Variants in CELF2 observed in about 807,000 individuals in gnomAD.
CELF2 encodes CUG triplet repeat RNA-binding protein 2.
Under a neutral mutation model 62.6 loss-of-function variants are expected in CELF2, and 8 were observed. The ratio of observed to expected loss-of-function variants is 0.13; its 90% confidence interval spans 0.07 to 0.23. The LOEUF is 0.23. Among genes scored for constraint, CELF2 ranks in the 10% least tolerant of loss-of-function variants. The pLI, the probability that CELF2 is intolerant of heterozygous loss-of-function variation, is 1.00. For synonymous variants in CELF2, 258 were observed against 250.0 expected (o/e 1.03, Z -0.30); for missense variants, 333 against 671.0 (o/e 0.50, Z 5.56).
chr10:10,873,889 C>A (rs114899276), intron 1 of CELF2, among the ~76,000 whole-genome samples: 1 of 152,120 alleles, frequency 6.6e-6, no homozygotes, highest in Admixed American at 6.5e-5. Context: ...AAAGCTGATG[C>A]GGGCAGGTGG....
At chr10:10,829,933 A>T (rs945854617) in intron 1 of CELF2, among the ~76,000 whole-genome samples, 18 of 152,270 alleles carry the variant, frequency 1.2e-4, no homozygotes, top group African/African-American at 4.3e-4. Context: ...ACACACAACT[A>T]CCTTTTCCAA....
intron 2 of CELF2, chr10:10,970,944 A>G (rs1366810109): frequency 6.6e-6 from 1 of 152,154 alleles, no homozygotes; most frequent in Admixed American, 6.5e-5. Context: ...AAAAAATCCC[A>G]TAGTCAATTA....
At chr10:11,048,167 G>T (rs1017450694) in intron 1 of CELF2, among the ~76,000 whole-genome samples, 2 of 152,174 alleles carry the variant, frequency 1.3e-5, no homozygotes, top group Admixed American at 1.3e-4. Context: ...ACTAGAAAAT[G>T]TCAAGAAAGT....
chr10:10,542,928 A>G, the CELF2 span, among the ~76,000 whole-genome samples: 1 of 152,138 alleles, frequency 6.6e-6, no homozygotes, highest in East Asian at 1.9e-4. Flanking sequence ...TTTTTATATT[A>G]ATATATGACC....
Position 11,319,723 on chromosome 10 carries a change from C to T in CELF2, c.1097-1466C>T, listed in dbSNP as rs191059438. On this transcript the variant is annotated intron_variant, in intron 10 of 12. Coordinates refer to ENST00000633077, the MANE Select transcript of CELF2 (RefSeq NM_001326342.2). This position sits in a 1 kb window ranked among gnomAD's most constrained non-coding sequence, Gnocchi z 4.4. The stretch of plus-strand genomic sequence containing the variant: ...CCTGCTTGGTGTCTGTTCTGAGAAG[C>T]ACAGGAATACCCGAGGTGAGGCACA... 302 of 467,824 alleles carry T rather than the reference C, an allele frequency of 6.5e-4. No homozygotes were observed. Among genetic ancestry groups the T allele is most frequent in the African/African-American group, 5.5e-3 (277 of 50,094 alleles). 29.0% of individuals were successfully genotyped at this position (467,824 alleles called of 1,614,324 possible). A position where few individuals can be genotyped will look rare whatever the true frequency, so the allele number is the denominator to read the frequency against.
intron 9 of CELF2, among the ~76,000 whole-genome samples, chr10:11,313,551 T>C (rs2094704949): frequency 6.6e-6 from 1 of 152,216 alleles, no homozygotes; most frequent in African/African-American, 2.4e-5. Context: ...ATCAGGGAAA[T>C]GTAATCACTA....
chr10:11,127,779 T>C (rs1165288105), intron 1 of CELF2, among the ~76,000 whole-genome samples: 1 of 152,226 alleles, frequency 6.6e-6, no homozygotes, highest in African/African-American at 2.4e-5. Flanking sequence ...TTCTGGATAT[T>C]AGCCCTTTGT....
chr10:10,747,430 G>A, the CELF2 span, among the ~76,000 whole-genome samples: 1 of 152,186 alleles, frequency 6.6e-6, no homozygotes, highest in Non-Finnish European at 1.5e-5. Context: ...TGTGGCAAGT[G>A]CAACGAAGGA....
chr10:10,521,905 A>G, the CELF2 span, among the ~76,000 whole-genome samples: 2 of 152,210 alleles, frequency 1.3e-5, no homozygotes, highest in Admixed American at 1.3e-4. Context: ...TACTCATGAC[A>G]TCCTTCTCTA....
intron 1 of CELF2, among the ~76,000 whole-genome samples, chr10:11,097,840 C>T (rs373362041): frequency 6.6e-6 from 1 of 152,224 alleles, no homozygotes; most frequent in Admixed American, 6.5e-5. Flanking sequence ...CCATCATCAC[C>T]CCCGATCAGG....
the CELF2 span, among the ~76,000 whole-genome samples, chr10:10,576,833 C>T: frequency 1.3e-5 from 2 of 152,266 alleles, no homozygotes; most frequent in East Asian, 3.9e-4. Context: ...ACTGGAGTTA[C>T]TCTTACCAGT....
intron 1 of CELF2, among the ~76,000 whole-genome samples, chr10:10,818,586 G>C (rs11256845): frequency 0.09 from 11,496 of 128,000 alleles, 554 homozygotes; most frequent in East Asian, 0.25. Context: ...GAGTCTCACT[G>C]TCTGTCGCCC....
chr10:11,252,387 T>A (rs1223741253), intron 4 of CELF2, among the ~76,000 whole-genome samples: 1 of 152,218 alleles, frequency 6.6e-6, no homozygotes, highest in Non-Finnish European at 1.5e-5. Context: ...AAAGGACTCA[T>A]CACAGTTAGA....
At chr10:10,875,139 C>T (rs954036425) in intron 1 of CELF2, among the ~76,000 whole-genome samples, 5 of 152,098 alleles carry the variant, frequency 3.3e-5, no homozygotes, top group African/African-American at 7.2e-5. Context: ...ACTGATGGTT[C>T]GTTCTTCATC....
the CELF2 span, among the ~76,000 whole-genome samples, chr10:10,529,141 T>C: frequency 0.032 from 4,857 of 152,302 alleles, 100 homozygotes; most frequent in Non-Finnish European, 0.051. Flanking sequence ...CATATCACTC[T>C]CCTGGGCAGA....
the CELF2 span, among the ~76,000 whole-genome samples, chr10:10,594,417 C>T: frequency 6.6e-6 from 1 of 152,160 alleles, no homozygotes; most frequent in East Asian, 1.9e-4. Context: ...CTAACCTGTG[C>T]CCAGGCATGA....
chr10:10,678,304 T>G, the CELF2 span, among the ~76,000 whole-genome samples: 1 of 151,764 alleles, frequency 6.6e-6, no homozygotes, highest in Non-Finnish European at 1.5e-5. Flanking sequence ...TTTGCCTTAC[T>G]GTGACCGTAT....
the CELF2 span, among the ~76,000 whole-genome samples, chr10:10,691,975 G>A: frequency 6.6e-6 from 1 of 151,882 alleles, no homozygotes; most frequent in South Asian, 2.1e-4. Context: ...CACTCTCATG[G>A]TAGTTCCTTT....
the CELF2 span, among the ~76,000 whole-genome samples, chr10:10,614,994 T>A: frequency 6.6e-5 from 10 of 152,044 alleles, no homozygotes; most frequent in Admixed American, 3.3e-4. Context: ...CATGATGGTA[T>A]CCATGGGCTT....
Sources: gnomAD v4.1 joint callset for allele counts (sites outside exome capture counted in the v4.1 genomes callset) on GRCh38, gnomAD v4.1.1 for gene constraint, Gnocchi (gnomAD v3.1) non-coding constraint, MANE v1.5 for transcripts, NCBI Gene and HGNC (gene_info 2026-07-23, HGNC 2026-07-21) for gene names.